ANGPT2: variants seen among roughly 807,000 people sequenced by gnomAD.
The protein encoded by ANGPT2 is angiopoietin 2.
In ANGPT2, 28 loss-of-function variants were observed where a neutral mutation model predicts 62.9. The ratio of observed to expected loss-of-function variants is 0.44; its 90% CI spans 0.33 to 0.61. The LOEUF (loss-of-function observed/expected upper bound fraction) is 0.61. Ranked by LOEUF, ANGPT2 falls within the 20% of genes least tolerant of loss-of-function variation. The pLI is 0.03. For synonymous variants in ANGPT2, 284 were observed against 207.8 expected, an observed-to-expected ratio of 1.37 and a Z score of -3.15; for missense variants, 727 against 594.9, an observed-to-expected ratio of 1.22 and a Z score of -2.31.
chr8:6,555,925 T>A (rs1351344546), intron 1 of ANGPT2, among the ~76,000 whole-genome samples: 1 of 152,154 alleles, frequency 6.6e-6, no homozygotes, highest in African/African-American at 2.4e-5. Flanking sequence ...AGCACCATCC[T>A]CACATAGAAG....
chr8:6,514,918 C>T (rs551849359), intron 5 of ANGPT2, 140 bp from the exon 6 acceptor site: 16 of 621,900 alleles, frequency 2.6e-5, no homozygotes, highest in African/African-American at 3.6e-5. Context: ...AGTAGACCAT[C>T]GGGGTTGTCT....
Position 6,532,394 on chromosome 8 carries a change from C to G in ANGPT2, c.382G>C (p.Gly128Arg). Residue 128 changes from glycine (G) to arginine (R), a missense_variant, in exon 2 of 9, where the codon GGG becomes CGG. Gly to Arg is a moderately radical substitution (Grantham distance 125). Transcript: ENST00000629816. ...QNQTAVMIEI[G>R]TNLLNQTAEQ... is the part of the protein sequence containing the mutation. ...GCTGTTTGGTTCAACAGGTTTGTCCCTATTTCTATCATCACAGCCGTCTGG... is the reference window on the plus strand; with the variant it reads ...GCTGTTTGGTTCAACAGGTTTGTCCGTATTTCTATCATCACAGCCGTCTGG... 6.2e-7 allele frequency: 1 copy of G among 1,614,088 alleles called. No homozygotes were observed. The highest frequency in any genetic ancestry group is 1.6e-4 in the Middle Eastern group (1 of 6,062).
intron 1 of ANGPT2, among the ~76,000 whole-genome samples, chr8:6,546,774 C>A (rs974870997): frequency 2.0e-5 from 3 of 152,210 alleles, no homozygotes; most frequent in African/African-American, 7.2e-5. Flanking sequence ...TACCCTCTTC[C>A]TCCCCTTCCC....
intron 1 of ANGPT2, among the ~76,000 whole-genome samples, chr8:6,551,505 C>T (rs1225539012): frequency 6.6e-6 from 1 of 152,208 alleles, no homozygotes; most frequent in Non-Finnish European, 1.5e-5. Flanking sequence ...CAAAATTTCA[C>T]ATCACAAAAT....
At chr8:6,518,653 A>G (rs985597982) in intron 5 of ANGPT2, among the ~76,000 whole-genome samples, 1 of 152,174 alleles carries the variant, frequency 6.6e-6, no homozygotes, top group African/African-American at 2.4e-5. Flanking sequence ...TTAGGATAAT[A>G]CTCAATTTAA....
At chr8:6,541,330 A>G (rs1821526862) in intron 1 of ANGPT2, among the ~76,000 whole-genome samples, 1 of 152,182 alleles carries the variant, frequency 6.6e-6, no homozygotes, top group Non-Finnish European at 1.5e-5. Context: ...GGCAGTGGCT[A>G]AAGACAGGCT....
At chr8:6,536,855 A>G (rs1355387166) in intron 1 of ANGPT2, among the ~76,000 whole-genome samples, 1 of 151,824 alleles carries the variant, frequency 6.6e-6, no homozygotes, top group Non-Finnish European at 1.5e-5. Context: ...TTGTCCTAGA[A>G]TGTCTTTCTG....
At chr8:6,516,242 A>C (rs868115027) in intron 5 of ANGPT2, among the ~76,000 whole-genome samples, 7 of 152,240 alleles carry the variant, frequency 4.6e-5, no homozygotes, top group Non-Finnish European at 8.8e-5. Flanking sequence ...TTTTATTATC[A>C]TTGCTACACA....
Position 6,508,985 on chromosome 8 carries a change from T to C in ANGPT2, c.1274A>G (p.Lys425Arg), listed in dbSNP as rs774353163. The change falls in exon 8 of 9, where the codon AAG becomes AGG. Residue 425 changes from lysine to arginine, a missense_variant. Physicochemically the swap from Lys to Arg is conservative, Grantham distance 26 (BLOSUM62 2). Transcript: ENST00000629816. ...AATACATTTGTCGTTGTCTCCATCC[T>C]TTGTGCTAAAATCATTTCCTGGTTG... ...ISQPGNDFST[K>R]DGDNDKCICK... 1 of 1,614,206 alleles carries C rather than the reference T, an allele frequency of 6.2e-7. No individual in the cohort carries two copies. The highest frequency in any genetic ancestry group is 1.3e-5 in the African/African-American group (1 of 75,060).
In ANGPT2 at chr8:6,502,794, A is replaced by G. The variant is rs1365661471; in HGVS notation, c.*307T>C. 2 of 370,054 alleles carry G rather than the reference A, an allele frequency of 5.4e-6. No homozygotes were observed. Among genetic ancestry groups the G allele is most frequent in the East Asian group, 5.4e-5 (1 of 18,668 alleles). The allele number at this position is 370,054 out of a possible 1,614,324, so 22.9% of individuals were successfully genotyped here. The stretch of plus-strand genomic sequence containing the variant: ...TTATTTACTGATAAACTTGCACATA[A>G]CATTCTTGGTTGTGACAGCAGCGTC... On this transcript the variant is annotated 3_prime_UTR_variant, in exon 9 of 9. Transcript: ENST00000629816.
At position 6,520,624 on chromosome 8, in the gene ANGPT2, G is replaced by A. The variant is rs1307271198; in HGVS notation, c.799+554C>T. 3.3e-5 allele frequency among the ~76,000 whole-genome samples: 5 copies of A among 152,288 alleles called. No individual in the cohort carries two copies. The South Asian group carries it at 1.0e-3, about 32-fold the overall frequency. On this transcript the variant is annotated intron_variant, in intron 4 of 8. Coordinates refer to ENST00000629816, the MANE Select transcript of ANGPT2 (RefSeq NM_001118887.2). ...TTGGCCACGCTGGTCTCCAACTCCT[G>A]TCCTCAAGTGATCTGCCTGCCTCAG...
intron 1 of ANGPT2, among the ~76,000 whole-genome samples, chr8:6,540,001 A>T (rs144667378): frequency 4.6e-5 from 7 of 152,294 alleles, no homozygotes; most frequent in African/African-American, 9.6e-5. Context: ...TAACTCCAAG[A>T]TGTATTAGGA....
chr8:6,554,172 A>G (rs936269129), intron 1 of ANGPT2, among the ~76,000 whole-genome samples: 5 of 150,822 alleles, frequency 3.3e-5, no homozygotes, highest in African/African-American at 1.2e-4. Flanking sequence ...TCACCAGATT[A>G]AACCACCTGG....
At chr8:6,546,786 C>G (rs2129574505) in intron 1 of ANGPT2, among the ~76,000 whole-genome samples, 1 of 152,316 alleles carries the variant, frequency 6.6e-6, no homozygotes, top group South Asian at 2.1e-4. Flanking sequence ...CCCCTTCCCC[C>G]AATCCAAGTA....
At chr8:6,549,466 G>C (rs1010400662) in intron 1 of ANGPT2, among the ~76,000 whole-genome samples, 8 of 152,212 alleles carry the variant, frequency 5.3e-5, no homozygotes, top group East Asian at 1.9e-4. Flanking sequence ...GACGAGGAGG[G>C]GCCTGAGGAA....
rs575908901 is a variant in ANGPT2 at position 6,522,673 on chromosome 8, C to G, written c.567-1263G>C. Among the ~76,000 whole-genome samples, 30 of 151,502 alleles carry G rather than the reference C, an allele frequency of 2.0e-4. No individual in the cohort carries two copies. The South Asian group carries it at 6.0e-3, about 31-fold the overall frequency. On this transcript the variant is annotated intron_variant, in intron 3 of 8. Transcript: ENST00000629816. ...AATGTAATCCCAGCTACTCAGGAGG[C>G]TGAGGCAGGAGAACTGCTTGAACCC...
At chr8:6,533,061 G>A (rs912262834) in intron 1 of ANGPT2, among the ~76,000 whole-genome samples, 3 of 152,134 alleles carry the variant, frequency 2.0e-5, no homozygotes, top group Non-Finnish European at 4.4e-5. Flanking sequence ...ACCTTCCTCC[G>A]TATTGAGTTA....
At chr8:6,557,085 A>G (rs563611747) in intron 1 of ANGPT2, among the ~76,000 whole-genome samples, 5 of 152,302 alleles carry the variant, frequency 3.3e-5, no homozygotes, top group African/African-American at 1.2e-4. Flanking sequence ...GAACTGAGAA[A>G]TAACGCACTT....
At chr8:6,530,238 T>G (rs979858690) in intron 2 of ANGPT2, among the ~76,000 whole-genome samples, 8 of 152,132 alleles carry the variant, frequency 5.3e-5, no homozygotes, top group Non-Finnish European at 1.0e-4. Flanking sequence ...CCAGGTACGG[T>G]GGCTCACGCC....
Sources: gnomAD v4.1 joint callset for allele counts (sites outside exome capture counted in the v4.1 genomes callset) on GRCh38, gnomAD v4.1.1 for gene constraint, MANE v1.5 for transcripts, NCBI Gene and HGNC (gene_info 2026-07-23, HGNC 2026-07-21) for gene names.